Variants in CR2 observed in about 807,000 individuals in gnomAD.
The protein encoded by CR2 is complement C3d receptor 2.
A neutral mutation model predicts 123.0 loss-of-function variants in CR2; 96 were observed. That is an observed-to-expected ratio of 0.78 (90% CI 0.66 to 0.93). The LOEUF is 0.93. Ranked by LOEUF, CR2 falls within the 40% of genes least tolerant of loss-of-function variation. The probability of loss-of-function intolerance (pLI) is 0.00; values close to 1 mark genes in which losing one functional copy is unlikely to be tolerated. For missense variants in CR2, 1,258 were observed against 1,361.0 expected, an observed-to-expected ratio of 0.92 and a Z score of 1.19; for synonymous variants, 484 against 469.5, an observed-to-expected ratio of 1.03 and a Z score of -0.40.
Position 207,469,240 on chromosome 1 carries a change from A to G in CR2, c.817+8A>G, listed in dbSNP as rs1658195186. On this transcript the variant is annotated splice_region_variant and intron_variant, in intron 5 of 19. Coordinates refer to ENST00000367057, the MANE Select transcript of CR2 (RefSeq NM_001006658.3). ...AAATGCCAGTATGTGAAGGTAGGCT[A>G]GGCAACTATGGTCTGACAGCACTGC... 6.2e-7 allele frequency: 1 copy of G among 1,610,650 alleles called. No homozygotes were observed. Among genetic ancestry groups the G allele is most frequent in the Non-Finnish European group, 8.5e-7 (1 of 1,176,960 alleles).
chr1:207,473,195 G>A lies in CR2; in HGVS notation c.1978+16G>A, dbSNP rs1165439964. ...TGTGAAAAAGGTAAAAACCCAATAAGGGGGAAAAAAGGAGAGATTTACTTA... is the reference window on the plus strand; with the variant it reads ...TGTGAAAAAGGTAAAAACCCAATAAAGGGGAAAAAAGGAGAGATTTACTTA... On this transcript the variant is annotated intron_variant, in intron 10 of 19. Transcript: ENST00000367057. The A allele has an allele frequency of 1.9e-6, 3 of 1,612,372 alleles. No homozygotes were observed. In the Admixed American group the frequency reaches 5.0e-5, roughly 27 times the overall value.
intron 10 of CR2, 103 bp downstream of exon 10, chr1:207,473,282 A>G: frequency 7.2e-7 from 1 of 1,383,532 alleles, no homozygotes; most frequent in Non-Finnish European, 1.0e-6. Flanking sequence ...AGAGGGGCAC[A>G]GATTACTTTC....
rs1452822251 is a variant in CR2, at chr1:207,489,356, T to G, written c.*233T>G. On this transcript the variant is annotated 3_prime_UTR_variant, in exon 20 of 20. Coordinates refer to ENST00000367057, the MANE Select transcript of CR2 (RefSeq NM_001006658.3). ...TTCAAGGACTTTCTGAAGCCTCACTTATGAGATGCCTGAAGCCAGGCCATG... is the reference window on the plus strand; with the variant it reads ...TTCAAGGACTTTCTGAAGCCTCACTGATGAGATGCCTGAAGCCAGGCCATG... 1.3e-5 allele frequency: 2 copies of G among 152,222 alleles called. No homozygotes were observed. Among genetic ancestry groups the G allele is most frequent in the East Asian group, 3.8e-4 (2 of 5,196 alleles). The allele number at this position is 152,222 out of a possible 1,614,324, so 9.4% of individuals were successfully genotyped here. A position where few individuals can be genotyped will look rare whatever the true frequency, so the allele number is the denominator to read the frequency against.
chr1:207,480,062 A>G lies in CR2; in HGVS notation c.3188+9A>G. On this transcript the variant is annotated intron_variant, in intron 18 of 19. Coordinates refer to ENST00000367057, the MANE Select transcript of CR2 (RefSeq NM_001006658.3). ...TCAAAACACAGAGCACGGTAAGTTCAAAGGCGAATACTTGATTGACCAACA... is the reference window on the plus strand; with the variant it reads ...TCAAAACACAGAGCACGGTAAGTTCGAAGGCGAATACTTGATTGACCAACA... The G allele has an allele frequency of 6.3e-7, 1 of 1,597,208 alleles. No homozygotes were observed. The highest frequency in any genetic ancestry group is 8.6e-7 in the Non-Finnish European group (1 of 1,164,956).
chr1:207,476,169 A>C, intron 14 of CR2, 65 bp from the exon 15 acceptor site: 14 of 1,479,172 alleles, frequency 9.5e-6, no homozygotes, highest in Non-Finnish European at 1.2e-5. Context: ...GCTATCACCC[A>C]GAGATAGTGC....
intron 14 of CR2, 74 bp from the exon 15 acceptor site, chr1:207,476,160 C>T: frequency 4.2e-6 from 6 of 1,437,236 alleles, no homozygotes; most frequent in Non-Finnish European, 5.9e-6. Flanking sequence ...TCCTGTATCG[C>T]TATCACCCAG....
rs537116388 is a variant in CR2 at position 207,472,055 on chromosome 1, C to T, written c.1570+556C>T. ...ACAAGGTCAGGAGATCAAGACCATC[C>T]TGGCTAACATGGTAAAACCCCATCT... On this transcript the variant is annotated intron_variant, in intron 9 of 19. Transcript: ENST00000367057. The T allele has an allele frequency of 1.6e-3, 274 of 174,744 alleles. 1 individual carries two copies. The highest frequency in any genetic ancestry group is 2.7e-3 in the Non-Finnish European group (220 of 80,862). 10.8% of individuals were successfully genotyped at this position (174,744 alleles called of 1,614,324 possible). A position where few individuals can be genotyped will look rare whatever the true frequency, so the allele number is the denominator to read the frequency against.
At chr1:207,474,473 T>G in intron 13 of CR2, 150 bp downstream of exon 13, 1 of 686,786 alleles carries the variant, frequency 1.5e-6, no homozygotes, top group Non-Finnish European at 2.6e-6. Flanking sequence ...TTGGTCAGTA[T>G]TGACACTGAG....
At chr1:207,473,993 C>T (rs1248099940) in intron 12 of CR2, 108 bp downstream of exon 12, 2 of 1,052,452 alleles carry the variant, frequency 1.9e-6, no homozygotes, top group Admixed American at 1.9e-5. Flanking sequence ...CTCATTGTCA[C>T]AGGCATGGAG....
chr1:207,472,017 AGGGCGGC>A, intron 9 of CR2: 1 of 187,048 alleles, frequency 5.3e-6, no homozygotes, highest in South Asian at 1.1e-4. Flanking sequence ...CAGGAGGCTG[AGGGCGGC>A]AGATCACAAG....
At position 207,466,842 on chromosome 1, in the gene CR2, C is replaced by CG; in HGVS notation, c.377dup (p.Asn127LysfsTer10). 1 of 1,613,094 alleles carries CG rather than the reference C, an allele frequency of 6.2e-7. No homozygotes were observed. Among genetic ancestry groups the CG allele is most frequent in the Non-Finnish European group, 8.5e-7 (1 of 1,179,666 alleles). Reference sequence around the variant, plus strand: ...CCTGTAAAACCAACTTCTCCATGAACGGAAACAAGTCTGTTTGGTGTCAAG... The same window carrying CG: ...CCTGTAAAACCAACTTCTCCATGAACGGGAAACAAGTCTGTTTGGTGTCAAG... On this transcript the variant is annotated frameshift_variant, in exon 2 of 20. Coordinates refer to ENST00000367057, the MANE Select transcript of CR2 (RefSeq NM_001006658.3). LOFTEE classifies it high-confidence loss of function.
In CR2 at chr1:207,478,140, G is replaced by A. The variant is rs74151009; in HGVS notation, c.3088+70G>A. On this transcript the variant is annotated intron_variant, in intron 16 of 19. Transcript: ENST00000367057. ...GAGAAGAGAGTGAGAGTTTCCCTCA[G>A]CGTGGAGAGTCCTGGGTTTTAAATT... 2,843 of 1,490,374 alleles carry A rather than the reference G, an allele frequency of 1.9e-3. 48 individuals are homozygous for A. The African/African-American group carries it at 0.034, about 18-fold the overall frequency. The allele number at this position is 1,490,374 out of a possible 1,614,324, so 92.3% of individuals were successfully genotyped here.
intron 18 of CR2, 69 bp from the exon 19 acceptor site, chr1:207,485,395 A>G (rs1041208826): frequency 9.9e-7 from 1 of 1,006,296 alleles, no homozygotes; most frequent in Non-Finnish European, 1.6e-6. Context: ...TATGGAAAGC[A>G]AACAACTGCT....
chr1:207,459,811 A>G (rs1036531445), intron 1 of CR2, among the ~76,000 whole-genome samples: 8 of 152,120 alleles, frequency 5.3e-5, no homozygotes, highest in African/African-American at 1.9e-4. Context: ...CCCTTTTCTG[A>G]TATGATCTGC....
chr1:207,470,604 G>A lies in CR2; in HGVS notation c.1226-136G>A, dbSNP rs10863322. 0.53 allele frequency: 433,885 copies of A among 813,796 alleles called. 119,316 individuals are homozygous for A. The highest frequency in any genetic ancestry group is 0.68 in the East Asian group (26,002 of 38,116). 50.4% of individuals were successfully genotyped at this position (813,796 alleles called of 1,614,324 possible). The stretch of plus-strand genomic sequence containing the variant: ...TGTGATCTAAAATTACCCAAAGCTG[G>A]TCTGCAACATATGTTCTGTATCATA... On this transcript the variant is annotated intron_variant, in intron 6 of 19. Coordinates refer to ENST00000367057, the MANE Select transcript of CR2 (RefSeq NM_001006658.3).
In CR2 at chr1:207,475,226, T is replaced by C. The variant is rs1658403539; in HGVS notation, c.2716+10T>C. ...ACTTGTATCAAAAAAGGTAAGATAC[T>C]TGGAAGGGATAAGTTATGGGATGTT... On this transcript the variant is annotated intron_variant, in intron 14 of 19. Transcript: ENST00000367057. 1 of 1,613,782 alleles carries C rather than the reference T, an allele frequency of 6.2e-7. No homozygotes were observed.
chr1:207,479,203 T>C lies in CR2; in HGVS notation c.3089-54T>C, dbSNP rs77828994. The C allele has an allele frequency of 4.2e-3, 5,747 of 1,372,006 alleles. 94 individuals are homozygous for C. Among genetic ancestry groups the C allele is most frequent in the East Asian group, 0.037 (1,599 of 43,718 alleles). 85.0% of individuals were successfully genotyped at this position (1,372,006 alleles called of 1,614,324 possible). ...CATTACCATGAAACGTGGGGCTACA[T>C]TGAATTATGACACTATACTGATAAT... is the stretch of plus-strand genomic sequence containing the variant. On this transcript the variant is annotated intron_variant, in intron 16 of 19. Coordinates refer to ENST00000367057, the MANE Select transcript of CR2 (RefSeq NM_001006658.3).
chr1:207,461,043 T>C (rs1437089625), intron 1 of CR2, among the ~76,000 whole-genome samples: 1 of 152,204 alleles, frequency 6.6e-6, no homozygotes, highest in Non-Finnish European at 1.5e-5. Flanking sequence ...TATGCTATCC[T>C]GGGAAAGTTT....
rs577183106 is a variant in CR2, at chr1:207,465,728, C to T, written c.59-798C>T. On this transcript the variant is annotated intron_variant, in intron 1 of 19. Transcript: ENST00000367057. Reference sequence around the variant, plus strand: ...GCAATTTTCCCTTTATTCTGAGACTCCCTCAGAAAAGGCGTGCATAACAAA... The same window carrying T: ...GCAATTTTCCCTTTATTCTGAGACTTCCTCAGAAAAGGCGTGCATAACAAA... 5.3e-5 allele frequency among the ~76,000 whole-genome samples: 8 copies of T among 152,272 alleles called. No individual in the cohort carries two copies. The South Asian group carries it at 1.7e-3, about 32-fold the overall frequency.
Sources: allele counts gnomAD v4.1 joint callset (sites outside exome capture counted in the v4.1 genomes callset), GRCh38; gene constraint gnomAD v4.1.1; transcripts MANE v1.5; gene names NCBI Gene and HGNC (gene_info 2026-07-23, HGNC 2026-07-21).